TMC5: variants seen among roughly 807,000 people sequenced by gnomAD.
TMC5 encodes transmembrane channel like 5.
In TMC5, 86 loss-of-function variants were observed where a neutral mutation model predicts 110.5. The ratio of observed to expected loss-of-function variants is 0.78; its 90% CI spans 0.65 to 0.93. The LOEUF is 0.93. Among genes scored for constraint, TMC5 ranks in the 40% least tolerant of loss-of-function variants. The probability of loss-of-function intolerance (pLI) is 0.00; values close to 1 mark genes in which losing one functional copy is unlikely to be tolerated. For missense variants in TMC5, 1,144 were observed against 1,222.8 expected, an observed-to-expected ratio of 0.94 and a Z score of 0.96; for synonymous variants, 455 against 439.5, an observed-to-expected ratio of 1.04 and a Z score of -0.44.
Position 19,486,929 on chromosome 16 carries a change from C to T in TMC5, c.2364-16C>T. The stretch of plus-strand genomic sequence containing the variant: ...GTCTCCGCCAGCCTCTGACACTCAC[C>T]CTCTCTCCCTCACAGGATTGGCATC... On this transcript the variant is annotated splice_polypyrimidine_tract_variant and intron_variant, in intron 15 of 21. Transcript: ENST00000542583. 1 of 1,612,444 alleles carries T rather than the reference C, an allele frequency of 6.2e-7. No homozygotes were observed. Among genetic ancestry groups the T allele is most frequent in the East Asian group, 2.2e-5 (1 of 44,880 alleles).
chr16:19,472,644 C>G (rs527701830), intron 11 of TMC5, among the ~76,000 whole-genome samples: 137 of 152,192 alleles, frequency 9.0e-4, no homozygotes, highest in African/African-American at 3.3e-3. Context: ...CCAGGCCTTG[C>G]CTTGTTTGAT....
At chr16:19,427,648 G>C (rs748864992) in intron 1 of TMC5, among the ~76,000 whole-genome samples, 3 of 151,854 alleles carry the variant, frequency 2.0e-5, no homozygotes, top group Non-Finnish European at 4.4e-5. Context: ...GGCACTCTTG[G>C]CATTTGGGGC....
At chr16:19,415,819 G>A (rs1263552183), upstream of TMC5, among the ~76,000 whole-genome samples, 1 of 151,994 alleles carries the variant, frequency 6.6e-6, no homozygotes, top group Non-Finnish European at 1.5e-5. Flanking sequence ...TATAACTCAG[G>A]TCTCTTCCAC....
intron 1 of TMC5, among the ~76,000 whole-genome samples, chr16:19,419,140 T>C (rs557203702): frequency 6.6e-5 from 10 of 152,304 alleles, no homozygotes; most frequent in African/African-American, 1.9e-4. Context: ...AGTGAGTTAC[T>C]TAACCTCTCT....
intron 5 of TMC5, among the ~76,000 whole-genome samples, chr16:19,459,284 T>A (rs924177560): frequency 6.6e-6 from 1 of 151,996 alleles, no homozygotes; most frequent in South Asian, 2.1e-4. Context: ...CTAAACACAA[T>A]TGGAATTCCA....
intron 5 of TMC5, among the ~76,000 whole-genome samples, chr16:19,449,884 G>T (rs1967710121): frequency 6.6e-6 from 1 of 152,136 alleles, no homozygotes; most frequent in Admixed American, 6.5e-5. Flanking sequence ...CACCACGTTT[G>T]TAAGTTTCCT....
At chr16:19,426,294 C>T (rs1967086982) in intron 1 of TMC5, among the ~76,000 whole-genome samples, 1 of 152,232 alleles carries the variant, frequency 6.6e-6, no homozygotes, top group South Asian at 2.1e-4. Context: ...CAGACCCATA[C>T]ATGCAGGGTG....
In TMC5 at chr16:19,460,302, GC is replaced by G. The variant is rs1348288229; in HGVS notation, c.1118del (p.Pro373GlnfsTer13). ...ACAGAATTAAAGCCATCAGGAACCA[GC>G]CAAGGACCATGGAAGAGAAAAGGAA... ...RDRIKAIRNQ[P>X]RTMEEKRNLR... On this transcript the variant is annotated frameshift_variant, in exon 6 of 22. Coordinates refer to ENST00000542583, the MANE Select transcript of TMC5 (RefSeq NM_001261841.2). LOFTEE classifies it high-confidence loss of function. The G allele has an allele frequency of 6.2e-7, 1 of 1,613,764 alleles. No individual in the cohort carries two copies. Among genetic ancestry groups the G allele is most frequent in the Non-Finnish European group, 8.5e-7 (1 of 1,179,776 alleles).
At chr16:19,447,199 C>G (rs1967634032) in intron 4 of TMC5, among the ~76,000 whole-genome samples, 1 of 152,146 alleles carries the variant, frequency 6.6e-6, no homozygotes, top group Non-Finnish European at 1.5e-5. Context: ...GTGCTTGGCT[C>G]TACGTCATGG....
chr16:19,497,862 T>C (rs1969095814), intron 21 of TMC5, 58 bp from the exon 22 acceptor site: 1 of 1,544,982 alleles, frequency 6.5e-7, no homozygotes, highest in Non-Finnish European at 8.9e-7. Context: ...GGTCTTTCCC[T>C]TGTAGAGATG....
chr16:19,486,290 C>A (rs1946876426), intron 15 of TMC5, among the ~76,000 whole-genome samples: 1 of 152,162 alleles, frequency 6.6e-6, no homozygotes, highest in South Asian at 2.1e-4. Flanking sequence ...GGATCTGTCT[C>A]AAGCCTCTCT....
At chr16:19,442,629 T>C (rs1224480487) in intron 3 of TMC5, among the ~76,000 whole-genome samples, 1 of 152,186 alleles carries the variant, frequency 6.6e-6, no homozygotes, top group Admixed American at 6.6e-5. Flanking sequence ...GTGCCCAGTC[T>C]AAGATGTGAT....
At chr16:19,420,262 T>C (rs1447055577) in intron 1 of TMC5, among the ~76,000 whole-genome samples, 1 of 151,626 alleles carries the variant, frequency 6.6e-6, no homozygotes, top group Non-Finnish European at 1.5e-5. Flanking sequence ...CTGTCTCTAC[T>C]AAAACACAAA....
chr16:19,490,319 G>C (rs1218016327), intron 17 of TMC5, 76 bp from the exon 18 acceptor site: 1 of 1,475,266 alleles, frequency 6.8e-7, no homozygotes, highest in African/African-American at 1.4e-5. Context: ...CCAGAGCCCA[G>C]AAGGGACACC....
Position 19,489,916 on chromosome 16 carries a change from G to A in TMC5, c.2574-479G>A, listed in dbSNP as rs1256563161. Reference sequence around the variant, plus strand: ...TGATCCTCCCACCTCAGCCTCCTATGTAGCCAGGACCACAGGCATGTGCTG... The same window carrying A: ...TGATCCTCCCACCTCAGCCTCCTATATAGCCAGGACCACAGGCATGTGCTG... On this transcript the variant is annotated intron_variant, in intron 17 of 21. Transcript: ENST00000542583. Among the ~76,000 whole-genome samples the A allele has an allele frequency of 2.6e-5, 4 of 151,590 alleles. No individual in the cohort carries two copies. In the East Asian group the frequency reaches 7.8e-4, roughly 29 times the overall value.
rs1968859335 is a variant in TMC5 at position 19,490,494 on chromosome 16, C to A, written c.2673C>A (p.Tyr891Ter). The A allele has an allele frequency of 6.2e-7, 1 of 1,614,114 alleles. No homozygotes were observed. Among genetic ancestry groups the A allele is most frequent in the Non-Finnish European group, 8.5e-7 (1 of 1,180,028 alleles). Residue 891 changes from tyrosine to a stop codon, truncating the protein, a stop_gained, in exon 18 of 22, where the codon TAC becomes TAA. Transcript: ENST00000542583. LOFTEE classifies it high-confidence loss of function. ...ACACCCTAAGTACACGGCCTGGCTA[C>A]CTGTGGGTTGTTTGGATCTATCGGA... Reference protein sequence around the residue: ...WIDTLSTRPGYLWVVWIYRNL... With the variant: ...WIDTLSTRPG
At chr16:19,480,960 A>G (rs1197898701) in intron 14 of TMC5, among the ~76,000 whole-genome samples, 1 of 152,102 alleles carries the variant, frequency 6.6e-6, no homozygotes. Flanking sequence ...GAACACAGGG[A>G]AACATAATTT....
chr16:19,461,640 A>G (rs1427788568), intron 6 of TMC5, among the ~76,000 whole-genome samples: 2 of 152,210 alleles, frequency 1.3e-5, no homozygotes, highest in African/African-American at 4.8e-5. Context: ...TTATAAGCTC[A>G]GGAATTCAAA....
chr16:19,422,005 C>T (rs559530472), intron 1 of TMC5, among the ~76,000 whole-genome samples: 27 of 151,882 alleles, frequency 1.8e-4, no homozygotes, highest in South Asian at 6.3e-4. Flanking sequence ...CCGAGGTGGG[C>T]GGATCACGAG....
Sources: allele counts gnomAD v4.1 joint callset (sites outside exome capture counted in the v4.1 genomes callset), GRCh38; gene constraint gnomAD v4.1.1; transcripts MANE v1.5; gene names NCBI Gene and HGNC (gene_info 2026-07-23, HGNC 2026-07-21).